Variants in TENM2 observed in about 807,000 individuals in gnomAD.
The protein encoded by TENM2 is teneurin transmembrane protein 2, also known as teneurin-2.
TENM2 carries 52 observed loss-of-function variants against 245.2 expected under a neutral mutation model. The ratio of observed to expected loss-of-function variants is 0.21; its 90% CI spans 0.17 to 0.27. TENM2 has a LOEUF of 0.27. Ranked by LOEUF, TENM2 falls within the 10% of genes least tolerant of loss-of-function variation. The probability of loss-of-function intolerance (pLI) is 1.00; values close to 1 mark genes in which losing one functional copy is unlikely to be tolerated. For synonymous variants in TENM2, 1,363 were observed against 1,438.9 expected, an observed-to-expected ratio of 0.95 and a Z score of 1.19; for missense variants, 3,046 against 3,666.8, an observed-to-expected ratio of 0.83 and a Z score of 4.37.
At chr5:168,248,657 G>A (rs933955884) in intron 27 of TENM2, among the ~76,000 whole-genome samples, 13 of 152,324 alleles carry the variant, frequency 8.5e-5, no homozygotes, top group African/African-American at 3.1e-4. Flanking sequence ...AGTAAGAAGC[G>A]GGGAGAGAAT....
chr5:167,862,488 A>G (rs981899358), intron 2 of TENM2, among the ~76,000 whole-genome samples: 1 of 152,242 alleles, frequency 6.6e-6, no homozygotes, highest in Admixed American at 6.5e-5. Context: ...ATGAGTAGCC[A>G]TGTGGCTCAT....
chr5:167,010,656 T>C, the TENM2 span, among the ~76,000 whole-genome samples: 1 of 152,232 alleles, frequency 6.6e-6, no homozygotes, highest in Admixed American at 6.5e-5. Context: ...GAACTAATAG[T>C]TCCTCCTTTA....
At chr5:167,941,751 G>A (rs2151771796) in intron 3 of TENM2, among the ~76,000 whole-genome samples, 1 of 151,816 alleles carries the variant, frequency 6.6e-6, no homozygotes, top group South Asian at 2.1e-4. Context: ...CTACTTGGAA[G>A]ACTTAGTCAG....
chr5:168,020,004 A>T lies in TENM2; in HGVS notation c.1186+26822A>T, dbSNP rs572080256. ...GCTTTAGAGCAGGGAATGGATTTCT[A>T]CCTATATGGCAATTATATACCATGT... On this transcript the variant is annotated intron_variant, in intron 5 of 28. Transcript: ENST00000518659. 3.7e-4 allele frequency among the ~76,000 whole-genome samples: 57 copies of T among 152,326 alleles called. 1 individual carries two copies. The South Asian group carries it at 0.012, about 32-fold the overall frequency.
the TENM2 span, among the ~76,000 whole-genome samples, chr5:166,989,731 A>T: frequency 1.3e-5 from 2 of 151,424 alleles, no homozygotes; most frequent in East Asian, 3.9e-4. Context: ...TTATATGGAG[A>T]ATAACCCAAA....
At chr5:167,631,074 G>T (rs2127792267) in intron 2 of TENM2, among the ~76,000 whole-genome samples, 1 of 152,164 alleles carries the variant, frequency 6.6e-6, no homozygotes. Flanking sequence ...TGTGCCTTTG[G>T]GCCTGCCACA....
intron 2 of TENM2, among the ~76,000 whole-genome samples, chr5:167,416,110 G>T (rs1263119424): frequency 6.6e-6 from 1 of 152,184 alleles, no homozygotes; most frequent in Non-Finnish European, 1.5e-5. Flanking sequence ...GTGTGTAAGA[G>T]TGAAGGGGGT....
chr5:167,028,750 A>G, the TENM2 span, among the ~76,000 whole-genome samples: 2 of 152,082 alleles, frequency 1.3e-5, no homozygotes, highest in Admixed American at 6.6e-5. Flanking sequence ...ATCCAATTCA[A>G]TGTGTCCGCT....
At chr5:167,796,021 G>T (rs1765288672) in intron 2 of TENM2, among the ~76,000 whole-genome samples, 2 of 152,146 alleles carry the variant, frequency 1.3e-5, no homozygotes, top group Admixed American at 1.3e-4. Context: ...AAAGGGAAAA[G>T]AAGTAGGAGA....
chr5:167,887,700 T>C (rs1313828175), intron 3 of TENM2, among the ~76,000 whole-genome samples: 1 of 152,234 alleles, frequency 6.6e-6, no homozygotes, highest in African/African-American at 2.4e-5. Context: ...AAATGTTTTG[T>C]AGGGTACAGC....
the TENM2 span, among the ~76,000 whole-genome samples, chr5:167,045,524 C>T: frequency 6.6e-6 from 1 of 152,200 alleles, no homozygotes; most frequent in Non-Finnish European, 1.5e-5. Context: ...CTTCACCTTG[C>T]AGCCCTGCCC....
the TENM2 span, among the ~76,000 whole-genome samples, chr5:166,982,315 T>C: frequency 6.6e-6 from 1 of 152,164 alleles, no homozygotes; most frequent in African/African-American, 2.4e-5. Context: ...AATCCTTTAT[T>C]ATGCTATAGC....
intron 1 of TENM2, among the ~76,000 whole-genome samples, chr5:167,328,466 C>T (rs558165704): frequency 2.3e-4 from 35 of 152,298 alleles, no homozygotes; most frequent in African/African-American, 7.7e-4. Context: ...AAGTGGATTA[C>T]AGGCGTGAGC....
chr5:168,238,103 C>G (rs1415906626), intron 25 of TENM2, among the ~76,000 whole-genome samples: 1 of 144,356 alleles, frequency 6.9e-6, no homozygotes, highest in Non-Finnish European at 1.5e-5. Context: ...CCAGATTGCG[C>G]CACTGCACTA....
At chr5:168,015,278 C>T (rs1049006544) in intron 5 of TENM2, among the ~76,000 whole-genome samples, 1 of 152,156 alleles carries the variant, frequency 6.6e-6, no homozygotes, top group African/African-American at 2.4e-5. Context: ...TTGAGAGGCA[C>T]CTCATGACTC....
At chr5:167,347,950 G>T (rs1019685001) in intron 1 of TENM2, among the ~76,000 whole-genome samples, 2 of 152,142 alleles carry the variant, frequency 1.3e-5, no homozygotes, top group African/African-American at 4.8e-5. Context: ...ATCTACAGGG[G>T]CAACCACCAA....
intron 1 of TENM2, among the ~76,000 whole-genome samples, chr5:167,358,490 G>T (rs1246109142): frequency 3.4e-5 from 5 of 146,934 alleles, no homozygotes; most frequent in Non-Finnish European, 7.5e-5. Flanking sequence ...TCTGTTTATA[G>T]TTATTTGACC....
intron 2 of TENM2, among the ~76,000 whole-genome samples, chr5:167,733,317 C>T (rs1760568843): frequency 6.6e-6 from 1 of 152,150 alleles, no homozygotes; most frequent in African/African-American, 2.4e-5. Flanking sequence ...TAATAACAGG[C>T]ACTGAGGGCC....
At chr5:167,897,105 TC>T (rs907238317) in intron 3 of TENM2, among the ~76,000 whole-genome samples, 6 of 152,240 alleles carry the variant, frequency 3.9e-5, no homozygotes, top group Admixed American at 2.0e-4. Flanking sequence ...GAAGCCCTGT[TC>T]CATTCTCCCC....
Sources: allele counts gnomAD v4.1 joint callset (sites outside exome capture counted in the v4.1 genomes callset), GRCh38; gene constraint gnomAD v4.1.1; transcripts MANE v1.5; gene names NCBI Gene and HGNC (gene_info 2026-07-23, HGNC 2026-07-21).